The following ANO4 variants were observed in gnomAD, a reference collection of about 807,000 sequenced individuals.
ANO4 encodes the protein anoctamin-4.
ANO4 carries 69 observed loss-of-function variants against 141.9 expected under a neutral mutation model. The ratio of observed to expected loss-of-function variants is 0.49; its 90% confidence interval spans 0.40 to 0.59. ANO4 has a LOEUF of 0.59. Ranked by LOEUF, ANO4 falls within the 20% of genes least tolerant of loss-of-function variation. The pLI, the probability that ANO4 is intolerant of heterozygous loss-of-function variation, is 0.00. For synonymous variants in ANO4, 350 were observed against 394.3 expected, an observed-to-expected ratio of 0.89 and a Z score of 1.33; for missense variants, 894 against 1,162.2, an observed-to-expected ratio of 0.77 and a Z score of 3.36.
Position 100,901,674 on chromosome 12 carries a change from A to G in ANO4, c.-112A>G. ...TAAGTTTATCTATTCATGGGGCTGA[A>G]AAGCGTTTGCAAATCCATCAACGGC... On this transcript the variant is annotated 5_prime_UTR_variant, in exon 2 of 28. Coordinates refer to ENST00000392977, the MANE Select transcript of ANO4 (RefSeq NM_001286615.2). The G allele has an allele frequency of 1.1e-6, 1 of 923,210 alleles. No individual in the cohort carries two copies. The highest frequency in any genetic ancestry group is 1.3e-5 in the South Asian group (1 of 77,058). The allele number at this position is 923,210 out of a possible 1,614,324, so 57.2% of individuals were successfully genotyped here. A position where few individuals can be genotyped will look rare whatever the true frequency, so the allele number is the denominator to read the frequency against.
intron 1 of ANO4, among the ~76,000 whole-genome samples, chr12:100,876,977 G>A (rs1355658576): frequency 6.6e-6 from 1 of 152,170 alleles, no homozygotes; most frequent in African/African-American, 2.4e-5. Flanking sequence ...TGACAAAATG[G>A]ATGAACCTGG....
intron 17 of ANO4, among the ~76,000 whole-genome samples, chr12:101,088,025 C>T (rs961809639): frequency 2.0e-5 from 3 of 152,136 alleles, no homozygotes; most frequent in Non-Finnish European, 2.9e-5. Context: ...TCACATGGCT[C>T]CTGTGTTCAC....
At chr12:101,036,626 G>T (rs2136591326) in intron 9 of ANO4, among the ~76,000 whole-genome samples, 1 of 152,310 alleles carries the variant, frequency 6.6e-6, no homozygotes, top group South Asian at 2.1e-4. Context: ...TCTCACTTAT[G>T]TGTAGAATCT....
At chr12:100,812,111 G>T (rs1011132028) in intron 1 of ANO4, among the ~76,000 whole-genome samples, 2 of 152,014 alleles carry the variant, frequency 1.3e-5, no homozygotes, top group Non-Finnish European at 2.9e-5. Flanking sequence ...ATCATGAATC[G>T]TTCTTATTTT....
chr12:101,083,707 G>C lies in ANO4; in HGVS notation c.1425G>C (p.Lys475Asn). ...EEEIRPQFEA[K>N]YSKKERMNPI... Reference sequence around the variant, plus strand: ...AAATACGACCCCAGTTTGAAGCCAAGTATTCCAAGAAAGAGCGGATGAATC... The same window carrying C: ...AAATACGACCCCAGTTTGAAGCCAACTATTCCAAGAAAGAGCGGATGAATC... The change falls in exon 16 of 28, where the codon AAG becomes AAC. Residue 475 changes from lysine to asparagine, a missense_variant. Lys to Asn is a moderately conservative substitution (Grantham distance 94). Transcript: ENST00000392977. 6.2e-7 allele frequency: 1 copy of C among 1,608,818 alleles called. No individual in the cohort carries two copies. Among genetic ancestry groups the C allele is most frequent in the Non-Finnish European group, 8.5e-7 (1 of 1,178,828 alleles).
intron 3 of ANO4, among the ~76,000 whole-genome samples, chr12:100,935,227 T>G (rs1022483084): frequency 3.3e-5 from 5 of 152,176 alleles, no homozygotes; most frequent in Admixed American, 6.5e-5. Flanking sequence ...TGGCTGTGGG[T>G]TTGTCATAAA....
intron 3 of ANO4, among the ~76,000 whole-genome samples, chr12:100,763,907 AC>A (rs1238574861): frequency 6.7e-6 from 1 of 148,674 alleles, no homozygotes; most frequent in East Asian, 1.9e-4. Flanking sequence ...CCTAGGAACC[AC>A]TTTTTTTTTT....
At chr12:100,781,738 C>T (rs889692203) in intron 3 of ANO4, among the ~76,000 whole-genome samples, 1 of 152,130 alleles carries the variant, frequency 6.6e-6, no homozygotes, top group Non-Finnish European at 1.5e-5. Flanking sequence ...TTTCATTATC[C>T]CCTGCCATGG....
At position 101,031,204 on chromosome 12, in the gene ANO4, G is replaced by A. The variant is rs1322488862; in HGVS notation, c.842-5891G>A. On this transcript the variant is annotated intron_variant, in intron 9 of 27. Transcript: ENST00000392977. The stretch of plus-strand genomic sequence containing the variant: ...ATCCTCAATAAAATACTGGCAAACC[G>A]AATACAGCAGCACATCAAAAAGCTT... Among the ~76,000 whole-genome samples the A allele has an allele frequency of 7.2e-5, 11 of 152,096 alleles. 1 individual carries two copies. Among genetic ancestry groups the A allele is most frequent in the African/African-American group, 1.7e-4 (7 of 41,410 alleles).
chr12:100,997,579 G>A (rs2045446236), intron 8 of ANO4, among the ~76,000 whole-genome samples: 1 of 151,868 alleles, frequency 6.6e-6, no homozygotes, highest in South Asian at 2.1e-4. Context: ...GTTAAAGTAG[G>A]CATTCAAGTT....
intron 3 of ANO4, among the ~76,000 whole-genome samples, chr12:100,933,001 C>G (rs1247354288): frequency 6.6e-6 from 1 of 152,154 alleles, no homozygotes; most frequent in Admixed American, 6.6e-5. Flanking sequence ...CCTGACCAAT[C>G]TGTGCTGCCT....
intron 8 of ANO4, among the ~76,000 whole-genome samples, chr12:100,989,728 TGGGTGG>T (rs1566096332): frequency 0.1 from 13,956 of 137,462 alleles, 837 homozygotes; most frequent in East Asian, 0.16. Flanking sequence ...GATGGATGGA[TGGGTGG>T]ATAGATGGAT....
At position 101,048,334 on chromosome 12, in the gene ANO4, T is replaced by A; in HGVS notation, c.1252-7T>A. ...ATTAACTCAGCACCGATTCTTATTA[T>A]TCACAGGTAACCCACCTTTTTGACA... On this transcript the variant is annotated splice_polypyrimidine_tract_variant and splice_region_variant and intron_variant, in intron 13 of 27. Coordinates refer to ENST00000392977, the MANE Select transcript of ANO4 (RefSeq NM_001286615.2). The A allele has an allele frequency of 6.2e-7, 1 of 1,613,510 alleles. No homozygotes were observed. Among genetic ancestry groups the A allele is most frequent in the South Asian group, 1.1e-5 (1 of 90,988 alleles).
intron 3 of ANO4, among the ~76,000 whole-genome samples, chr12:100,757,075 G>T (rs574200527): frequency 1.3e-5 from 2 of 151,976 alleles, no homozygotes; most frequent in African/African-American, 4.8e-5. Flanking sequence ...TTAGTCTGAC[G>T]GTTTTTAAAA....
intron 14 of ANO4, among the ~76,000 whole-genome samples, chr12:101,067,782 A>G (rs1363357719): frequency 6.6e-6 from 1 of 152,244 alleles, no homozygotes; most frequent in Non-Finnish European, 1.5e-5. Context: ...GGAGATTTCC[A>G]TGCATTTTGT....
At chr12:101,012,562 A>G (rs1041067593) in intron 8 of ANO4, among the ~76,000 whole-genome samples, 2 of 152,218 alleles carry the variant, frequency 1.3e-5, no homozygotes, top group East Asian at 1.9e-4. Context: ...AACAAATTCA[A>G]TGTTGCTTGT....
intron 1 of ANO4, among the ~76,000 whole-genome samples, chr12:100,888,335 A>G (rs1264406627): frequency 6.6e-6 from 1 of 152,214 alleles, no homozygotes; most frequent in Non-Finnish European, 1.5e-5. Context: ...AGATGTTACA[A>G]AGGAGAGGCT....
chr12:100,893,744 G>A (rs977685258), intron 1 of ANO4, among the ~76,000 whole-genome samples: 8 of 152,100 alleles, frequency 5.3e-5, no homozygotes, highest in Non-Finnish European at 1.0e-4. Context: ...TATGAATTAC[G>A]AATCAGGGGC....
upstream of ANO4, among the ~76,000 whole-genome samples, chr12:100,791,976 A>C (rs796943017): frequency 6.6e-6 from 1 of 152,060 alleles, no homozygotes; most frequent in African/African-American, 2.4e-5. Context: ...AGTTTTCAAA[A>C]CCATTAATTG....
Sources: allele counts gnomAD v4.1 joint callset (sites outside exome capture counted in the v4.1 genomes callset), GRCh38; gene constraint gnomAD v4.1.1; transcripts MANE v1.5; gene names NCBI Gene and HGNC (gene_info 2026-07-23, HGNC 2026-07-21).